Variants in CATSPERE observed in about 807,000 individuals in gnomAD.
CATSPERE encodes catsper channel auxiliary subunit epsilon, also known as cation channel sperm-associated auxiliary subunit epsilon.
CATSPERE carries 93 observed loss-of-function variants against 114.1 expected under a neutral mutation model. The ratio of observed to expected loss-of-function variants is 0.81; its 90% CI spans 0.69 to 0.97. The LOEUF (loss-of-function observed/expected upper bound fraction) is 0.97, where lower values mean the gene tolerates loss of function less well. CATSPERE is among the 50% of genes least tolerant of loss of function. The pLI is 0.00. For synonymous variants in CATSPERE, 341 were observed against 384.1 expected (o/e 0.89, Z 1.31); for missense variants, 1,058 against 1,131.6 (o/e 0.93, Z 0.93).
intron 10 of CATSPERE, 152 bp downstream of exon 10, chr1:244,561,297 A>G (rs1662526770): frequency 1.6e-6 from 1 of 633,096 alleles, no homozygotes; most frequent in Non-Finnish European, 2.8e-6. Context: ...GACTTTAAAT[A>G]CAAGTAATGT....
chr1:244,526,942 C>T (rs1678729574), intron 8 of CATSPERE, among the ~76,000 whole-genome samples: 2 of 151,996 alleles, frequency 1.3e-5, no homozygotes, highest in Non-Finnish European at 2.9e-5. Context: ...TAGTGATTTT[C>T]AAAAGGGGAG....
intron 14 of CATSPERE, among the ~76,000 whole-genome samples, chr1:244,590,552 C>T (rs1667593607): frequency 6.6e-6 from 1 of 152,150 alleles, no homozygotes; most frequent in Non-Finnish European, 1.5e-5. Flanking sequence ...TTTTGTCACC[C>T]CAAAAGGAAA....
At chr1:244,480,839 C>G (rs1670164073) in intron 5 of CATSPERE, among the ~76,000 whole-genome samples, 2 of 152,150 alleles carry the variant, frequency 1.3e-5, no homozygotes, top group African/African-American at 4.8e-5. Flanking sequence ...TATTGAGAAG[C>G]AGGGAGGATT....
intron 5 of CATSPERE, among the ~76,000 whole-genome samples, chr1:244,484,260 T>C (rs1415465243): frequency 6.6e-6 from 1 of 152,196 alleles, no homozygotes; most frequent in African/African-American, 2.4e-5. Flanking sequence ...TCTTCCCAAC[T>C]TGATTTATAC....
chr1:244,531,947 A>G (rs1679675867), intron 8 of CATSPERE, among the ~76,000 whole-genome samples: 1 of 152,168 alleles, frequency 6.6e-6, no homozygotes, highest in Admixed American at 6.5e-5. Flanking sequence ...CAATGAAGCC[A>G]TCAGGTCCTG....
chr1:244,547,660 C>A (rs1018355786), intron 8 of CATSPERE, among the ~76,000 whole-genome samples: 1 of 151,822 alleles, frequency 6.6e-6, no homozygotes, highest in South Asian at 2.1e-4. Context: ...CTCATGGTAA[C>A]CACAAAGCAA....
chr1:244,614,637 G>A (rs1392063190), intron 19 of CATSPERE, among the ~76,000 whole-genome samples: 1 of 152,046 alleles, frequency 6.6e-6, no homozygotes, highest in Non-Finnish European at 1.5e-5. Flanking sequence ...ATTAACACGA[G>A]GAGGGAACCC....
In CATSPERE at chr1:244,591,739, A is replaced by AT. The variant is rs1667745971; in HGVS notation, c.2189+14dup. 1 of 1,480,986 alleles carries AT rather than the reference A, an allele frequency of 6.8e-7. No individual in the cohort carries two copies. Among genetic ancestry groups the AT allele is most frequent in the Non-Finnish European group, 9.4e-7 (1 of 1,066,482 alleles). 91.7% of individuals were successfully genotyped at this position (1,480,986 alleles called of 1,614,324 possible). A position where few individuals can be genotyped will look rare whatever the true frequency, so the allele number is the denominator to read the frequency against. The stretch of plus-strand genomic sequence containing the variant: ...TTCATACGTGATTGAAAAGTAAGAA[A>AT]TTTTTTAACATAAGCACTGAGTTTT... On this transcript the variant is annotated intron_variant, in intron 15 of 21. Transcript: ENST00000366534.
intron 5 of CATSPERE, among the ~76,000 whole-genome samples, chr1:244,485,693 G>GTT (rs200520202): frequency 2.2e-5 from 2 of 91,980 alleles, no homozygotes; most frequent in Middle Eastern, 6.0e-3. Flanking sequence ...TCTAAATTTT[G>GTT]TTTTTTTTGT....
At chr1:244,545,468 G>A (rs1659602575) in intron 8 of CATSPERE, among the ~76,000 whole-genome samples, 1 of 152,182 alleles carries the variant, frequency 6.6e-6, no homozygotes. Context: ...CTGCCACTTG[G>A]GCCATTTGAT....
At position 244,610,304 on chromosome 1, in the gene CATSPERE, TAGA is replaced by T. The variant is rs1670537164; in HGVS notation, c.2474_2476del (p.Glu825del). On this transcript the variant is annotated inframe_deletion, in exon 19 of 22. Coordinates refer to ENST00000366534, the MANE Select transcript of CATSPERE (RefSeq NM_001130957.2). ...ATTGAACTTAACAAGCACCTCCCAC[TAGA>T]AGAAGTCTGGGGACCTGAGGTAAGA... The T allele has an allele frequency of 1.9e-6, 3 of 1,612,616 alleles. No individual in the cohort carries two copies. Among genetic ancestry groups the T allele is most frequent in the Non-Finnish European group, 2.5e-6 (3 of 1,178,922 alleles).
chr1:244,545,545 G>C, intron 8 of CATSPERE, among the ~76,000 whole-genome samples: 1 of 152,172 alleles, frequency 6.6e-6, no homozygotes, highest in East Asian at 1.9e-4. Context: ...TAGGTAAATT[G>C]AACCACACTC....
intron 8 of CATSPERE, among the ~76,000 whole-genome samples, chr1:244,530,801 T>G (rs977329888): frequency 6.6e-6 from 1 of 152,200 alleles, no homozygotes. Flanking sequence ...TTTTTATTTC[T>G]TTTTCAGATT....
At chr1:244,608,193 G>A (rs75607829) in intron 18 of CATSPERE, among the ~76,000 whole-genome samples, 8,965 of 151,954 alleles carry the variant, frequency 0.059, 886 homozygotes, top group African/African-American at 0.2. Context: ...ATTGCAGCAC[G>A]TAGAGACTAT....
chr1:244,578,431 G>A (rs1413029057), intron 11 of CATSPERE, among the ~76,000 whole-genome samples: 3 of 152,100 alleles, frequency 2.0e-5, no homozygotes, highest in African/African-American at 7.2e-5. Context: ...GATTACAGGT[G>A]TGAGTCACCA....
Position 244,575,213 on chromosome 1 carries a change from G to A in CATSPERE, c.1950+2441G>A, listed in dbSNP as rs1665057312. On this transcript the variant is annotated intron_variant, in intron 11 of 21. Transcript: ENST00000366534. This position sits in a 1 kb window ranked among gnomAD's most constrained non-coding sequence, Gnocchi z 4.5. ...ACACTTAGTTTCTTGGGCTGGGTGG[G>A]ATCCTTGTGGCCACAGCCCAGGCCC... 6.6e-6 allele frequency among the ~76,000 whole-genome samples: 1 copy of A among 152,198 alleles called. No individual in the cohort carries two copies. The highest frequency in any genetic ancestry group is 1.5e-5 in the Non-Finnish European group (1 of 68,034).
At chr1:244,464,879 C>T (rs796333726) in intron 2 of CATSPERE, among the ~76,000 whole-genome samples, 4 of 151,112 alleles carry the variant, frequency 2.6e-5, no homozygotes, top group Non-Finnish European at 2.9e-5. Flanking sequence ...ATCTACATTG[C>T]GTTGTAAAAA....
At chr1:244,498,951 A>G in intron 6 of CATSPERE, 51 bp from the exon 7 acceptor site, 1 of 1,418,044 alleles carries the variant, frequency 7.1e-7, no homozygotes, top group South Asian at 1.2e-5. Flanking sequence ...CACAACTAAA[A>G]AAGAAATTTG....
intron 17 of CATSPERE, among the ~76,000 whole-genome samples, chr1:244,601,778 C>T (rs903830034): frequency 1.3e-5 from 2 of 152,096 alleles, no homozygotes; most frequent in Non-Finnish European, 2.9e-5. Flanking sequence ...CATGGTGAAA[C>T]CCCGTCTCTA....
Sources: allele counts gnomAD v4.1 joint callset (sites outside exome capture counted in the v4.1 genomes callset), GRCh38; gene constraint gnomAD v4.1.1; non-coding constraint Gnocchi (gnomAD v3.1); transcripts MANE v1.5; gene names NCBI Gene and HGNC (gene_info 2026-07-23, HGNC 2026-07-21).